The following SLC30A5 variants were observed in gnomAD, a reference collection of about 807,000 sequenced individuals.
SLC30A5 encodes the protein solute carrier family 30 member 5, also known as proton-coupled zinc antiporter SLC30A5.
In SLC30A5, 33 loss-of-function variants were observed where a neutral mutation model predicts 79.6. The ratio of observed to expected loss-of-function variants is 0.41; its 90% CI spans 0.31 to 0.55. SLC30A5 has a LOEUF of 0.55. Among genes scored for constraint, SLC30A5 ranks in the 20% least tolerant of loss-of-function variants. The pLI, the probability that SLC30A5 is intolerant of heterozygous loss-of-function variation, is 0.20. For missense variants in SLC30A5, 788 were observed against 928.1 expected (o/e 0.85, Z 1.96); for synonymous variants, 299 against 319.7 (o/e 0.94, Z 0.69).
intron 5 of SLC30A5, among the ~76,000 whole-genome samples, chr5:69,108,679 G>C (rs1488092429): frequency 6.6e-6 from 1 of 151,978 alleles, no homozygotes; most frequent in East Asian, 1.9e-4. Flanking sequence ...AAAATTAGCT[G>C]GGCATGGTGG....
rs1428911117 is a variant in SLC30A5, at chr5:69,130,957, A to G, written c.*1340A>G. 6.6e-6 allele frequency: 1 copy of G among 152,126 alleles called. No homozygotes were observed. 9.4% of individuals were successfully genotyped at this position (152,126 alleles called of 1,614,324 possible). A position where few individuals can be genotyped will look rare whatever the true frequency, so the allele number is the denominator to read the frequency against. ...TCATATTTTTGTCTTACCAATTTTA[A>G]TATATGAGGGGTTTTAGAAATTTGT... is the stretch of plus-strand genomic sequence containing the variant. On this transcript the variant is annotated 3_prime_UTR_variant, in exon 16 of 16. Transcript: ENST00000396591.
chr5:69,094,243 C>G lies in SLC30A5; in HGVS notation c.-13C>G. On this transcript the variant is annotated 5_prime_UTR_variant, in exon 1 of 16. Transcript: ENST00000396591. ...CGCGACAGGGGCAGCGGCGGCGGCTCGTGAGCCCCGGGATGGAGGAGAAAT... is the reference window on the plus strand; with the variant it reads ...CGCGACAGGGGCAGCGGCGGCGGCTGGTGAGCCCCGGGATGGAGGAGAAAT... 1 of 1,215,622 alleles carries G rather than the reference C, an allele frequency of 8.2e-7. No homozygotes were observed. Among genetic ancestry groups the G allele is most frequent in the Non-Finnish European group, 1.0e-6 (1 of 955,940 alleles). 75.3% of individuals were successfully genotyped at this position (1,215,622 alleles called of 1,614,324 possible). A position where few individuals can be genotyped will look rare whatever the true frequency, so the allele number is the denominator to read the frequency against.
intron 3 of SLC30A5, chr5:69,104,126 A>C: frequency 7.1e-7 from 1 of 1,405,252 alleles, no homozygotes; most frequent in Non-Finnish European, 9.4e-7. Flanking sequence ...AAAACAGAAT[A>C]CTGTCCTTTT....
chr5:69,127,865 T>C, intron 14 of SLC30A5, 139 bp from the exon 15 acceptor site: 2 of 650,484 alleles, frequency 3.1e-6, no homozygotes, highest in East Asian at 3.0e-5. Context: ...TTTTTGTTTG[T>C]TTTGTTTTGT....
Position 69,117,614 on chromosome 5 carries a change from C to T in SLC30A5, c.1439+218C>T, listed in dbSNP as rs182528108. Among the ~76,000 whole-genome samples the T allele has an allele frequency of 2.8e-3, 429 of 152,312 alleles. 1 individual carries two copies. The highest frequency in any genetic ancestry group is 0.024 in the Middle Eastern group (7 of 294). On this transcript the variant is annotated intron_variant, in intron 11 of 15. Coordinates refer to ENST00000396591, the MANE Select transcript of SLC30A5 (RefSeq NM_022902.5). ...TCCCTTGGCCGAGCACAGTGGCTCA[C>T]GCCTGTAATCCTAGCACTTTGGGAG...
Position 69,128,097 on chromosome 5 carries a change from A to G in SLC30A5, c.2092A>G (p.Thr698Ala). Reference protein sequence around the residue: ...IVAGTIHIQVTSDVLEQRIVQ... With the variant: ...IVAGTIHIQVASDVLEQRIVQ... ...GGCAGGAACAATTCATATACAGGTG[A>G]CATCTGATGTGCTAGAACAAAGAAT... The change falls in exon 15 of 16, where the codon ACA (threonine) becomes GCA (alanine). Residue 698 changes from threonine (T) to alanine (A), a missense_variant. Thr to Ala is a moderately conservative substitution (Grantham distance 58, BLOSUM62 0). This residue lies in a region of SLC30A5 where 158 missense variants were observed against 156.2 expected (regional missense o/e 1.01). Transcript: ENST00000396591. 6.2e-7 allele frequency: 1 copy of G among 1,612,318 alleles called. No individual in the cohort carries two copies. Among genetic ancestry groups the G allele is most frequent in the Non-Finnish European group, 8.5e-7 (1 of 1,179,020 alleles).
At chr5:69,101,699 G>A (rs1745924997) in intron 2 of SLC30A5, among the ~76,000 whole-genome samples, 2 of 149,860 alleles carry the variant, frequency 1.3e-5, no homozygotes, top group African/African-American at 2.4e-5. Context: ...GCTCATGCCT[G>A]TAATCCCAGC....
chr5:69,125,672 A>G (rs1746660984), intron 14 of SLC30A5, among the ~76,000 whole-genome samples: 1 of 149,584 alleles, frequency 6.7e-6, no homozygotes, highest in South Asian at 2.1e-4. Context: ...CGTCTCTACT[A>G]AAAAAAAATA....
At chr5:69,100,710 T>C in intron 1 of SLC30A5, 97 bp from the exon 2 acceptor site, 2 of 1,000,970 alleles carry the variant, frequency 2.0e-6, no homozygotes, top group Non-Finnish European at 3.0e-6. Flanking sequence ...TGTATATTTC[T>C]GTGGTTTCTG....
chr5:69,103,038 A>G, intron 2 of SLC30A5, 24 bp from the exon 3 acceptor site: 2 of 1,199,200 alleles, frequency 1.7e-6, no homozygotes, highest in Non-Finnish European at 2.4e-6. Flanking sequence ...TAATATTAAT[A>G]TATTAATGTT....
intron 11 of SLC30A5, 69 bp from the exon 12 acceptor site, chr5:69,118,430 C>T: frequency 7.3e-7 from 1 of 1,364,274 alleles, no homozygotes; most frequent in Non-Finnish European, 9.9e-7. Flanking sequence ...CTTGTTTCCT[C>T]ATTTATAAAG....
chr5:69,099,104 C>G (rs578190137), intron 1 of SLC30A5, among the ~76,000 whole-genome samples: 1 of 152,284 alleles, frequency 6.6e-6, no homozygotes, highest in South Asian at 2.1e-4. Flanking sequence ...GGTAACTCTG[C>G]TAAGTAAATA....
intron 5 of SLC30A5, among the ~76,000 whole-genome samples, chr5:69,109,586 C>T (rs1278941674): frequency 6.6e-6 from 1 of 152,158 alleles, no homozygotes; most frequent in African/African-American, 2.4e-5. Context: ...CCCAAACCCC[C>T]TACTCATTCT....
At chr5:69,122,535 T>C (rs1746564623) in intron 13 of SLC30A5, among the ~76,000 whole-genome samples, 1 of 152,126 alleles carries the variant, frequency 6.6e-6, no homozygotes, top group African/African-American at 2.4e-5. Flanking sequence ...GCGCCTGTAG[T>C]CTCAGCTACT....
At chr5:69,111,541 T>C (rs994951543) in intron 5 of SLC30A5, among the ~76,000 whole-genome samples, 22 of 151,892 alleles carry the variant, frequency 1.4e-4, no homozygotes, top group African/African-American at 2.4e-5. Context: ...CCTGACCTCA[T>C]GATCCACCCG....
chr5:69,102,879 T>G (rs1745971729), intron 2 of SLC30A5, 183 bp from the exon 3 acceptor site: 1 of 339,154 alleles, frequency 2.9e-6, no homozygotes, highest in South Asian at 7.1e-5. Flanking sequence ...AAAAAAAAAG[T>G]TATCAAAATA....
intron 1 of SLC30A5, among the ~76,000 whole-genome samples, chr5:69,097,900 G>C (rs775989336): frequency 2.0e-5 from 3 of 151,978 alleles, no homozygotes; most frequent in Non-Finnish European, 4.4e-5. Flanking sequence ...GAAAAACCAG[G>C]CTAAGTAACC....
chr5:69,102,040 C>A (rs1745937922), intron 2 of SLC30A5, among the ~76,000 whole-genome samples: 1 of 144,792 alleles, frequency 6.9e-6, no homozygotes, highest in Non-Finnish European at 1.5e-5. Context: ...TATTAAGCAC[C>A]AGTGACGTGC....
chr5:69,124,091 T>G (rs1162003995), intron 14 of SLC30A5, among the ~76,000 whole-genome samples: 4 of 120,556 alleles, frequency 3.3e-5, no homozygotes, highest in African/African-American at 1.0e-4. Context: ...TCAGCCTGGG[T>G]GACAGAGCGA....
Sources: allele counts gnomAD v4.1 joint callset (sites outside exome capture counted in the v4.1 genomes callset), GRCh38; gene constraint gnomAD v4.1.1; regional missense constraint gnomAD v4.1.1; transcripts MANE v1.5; gene names NCBI Gene and HGNC (gene_info 2026-07-23, HGNC 2026-07-21).